RSBN1: variants seen among roughly 807,000 people sequenced by gnomAD.
RSBN1 encodes the protein round spermatid basic protein 1.
In RSBN1, 23 loss-of-function variants were observed where a neutral mutation model predicts 74.8. The ratio of observed to expected loss-of-function variants is 0.31; its 90% CI spans 0.22 to 0.44. RSBN1 has a LOEUF of 0.44. RSBN1 is among the 20% of genes least tolerant of loss of function. The pLI is 1.00. For missense variants in RSBN1, 808 were observed against 1,020.9 expected (o/e 0.79, Z 2.84); for synonymous variants, 407 against 379.6 (o/e 1.07, Z -0.84).
chr1:113,797,354 T>C lies in RSBN1; in HGVS notation c.1377+9A>G. ...ATTTACTAATTTTTAACAACAATTTTTATCTTACCTGAGTGTGAAAATTTG... is the reference window on the plus strand; with the variant it reads ...ATTTACTAATTTTTAACAACAATTTCTATCTTACCTGAGTGTGAAAATTTG... On this transcript the variant is annotated intron_variant, in intron 2 of 6. Transcript: ENST00000261441. 10 of 1,594,454 alleles carry C rather than the reference T, an allele frequency of 6.3e-6. No homozygotes were observed. Among genetic ancestry groups the C allele is most frequent in the Non-Finnish European group, 8.5e-6 (10 of 1,172,324 alleles).
chr1:113,792,089 A>C (rs1660378206), intron 2 of RSBN1, among the ~76,000 whole-genome samples: 1 of 152,312 alleles, frequency 6.6e-6, no homozygotes, highest in South Asian at 2.1e-4. Flanking sequence ...ATAAGAAATA[A>C]AACTACCTAA....
intron 2 of RSBN1, among the ~76,000 whole-genome samples, chr1:113,785,562 A>T (rs951048148): frequency 2.0e-5 from 3 of 152,184 alleles, no homozygotes; most frequent in Non-Finnish European, 2.9e-5. Context: ...GGTATAGCAA[A>T]CCAGACCTAT....
intron 1 of RSBN1, among the ~76,000 whole-genome samples, chr1:113,807,589 G>A (rs1660730460): frequency 6.6e-6 from 1 of 151,602 alleles, no homozygotes; most frequent in African/African-American, 2.4e-5. Flanking sequence ...GTGAAACCCC[G>A]TCTCTACTAA....
rs1036416763 is a variant in RSBN1, at chr1:113,788,559, T to TA, written c.1377+8803dup. ...TCCAGAGAGAAAAAAGCAGAACAGC[T>TA]AAAAAAAATCAGGAATCATTATGGC... On this transcript the variant is annotated intron_variant, in intron 2 of 6. Coordinates refer to ENST00000261441, the MANE Select transcript of RSBN1 (RefSeq NM_018364.5). 7.0e-4 allele frequency among the ~76,000 whole-genome samples: 106 copies of TA among 151,992 alleles called. 3 individuals carry two copies. Among genetic ancestry groups the TA allele is most frequent in the East Asian group, 3.9e-4 (2 of 5,172 alleles).
intron 1 of RSBN1, among the ~76,000 whole-genome samples, chr1:113,811,485 C>G (rs915864373): frequency 6.6e-6 from 1 of 152,180 alleles, no homozygotes; most frequent in Non-Finnish European, 1.5e-5. Flanking sequence ...TCCGGGGGAC[C>G]GGTAAAGGGA....
intron 2 of RSBN1, among the ~76,000 whole-genome samples, chr1:113,779,004 T>C (rs191437738): frequency 7.1e-4 from 108 of 152,280 alleles, no homozygotes; most frequent in African/African-American, 2.4e-3. Context: ...TTCTCAAGGA[T>C]AGAGAGATGG....
chr1:113,770,374 A>G (rs1659865248), intron 4 of RSBN1, among the ~76,000 whole-genome samples: 1 of 152,218 alleles, frequency 6.6e-6, no homozygotes, highest in Non-Finnish European at 1.5e-5. Context: ...CCTTGATAAC[A>G]GCACTGACAC....
chr1:113,790,022 A>G (rs904693182), intron 2 of RSBN1, among the ~76,000 whole-genome samples: 1 of 152,110 alleles, frequency 6.6e-6, no homozygotes, highest in Non-Finnish European at 1.5e-5. Flanking sequence ...TAAAAGATAA[A>G]ACGACATGAT....
intron 4 of RSBN1, among the ~76,000 whole-genome samples, chr1:113,776,520 G>A (rs2101797931): frequency 6.6e-6 from 1 of 152,216 alleles, no homozygotes; most frequent in South Asian, 2.1e-4. Flanking sequence ...GCTAAGTTTT[G>A]AAAATGTATT....
At chr1:113,805,392 A>C (rs970089878) in intron 1 of RSBN1, among the ~76,000 whole-genome samples, 1 of 152,190 alleles carries the variant, frequency 6.6e-6, no homozygotes, top group Non-Finnish European at 1.5e-5. Context: ...CTATGTTTTT[A>C]TGAGCAATAA....
At position 113,782,590 on chromosome 1, in the gene RSBN1, A is replaced by G. The variant is rs544846176; in HGVS notation, c.1378-4782T>C. Among the ~76,000 whole-genome samples, 765 of 152,344 alleles carry G rather than the reference A, an allele frequency of 5.0e-3. 4 individuals carry two copies. The highest frequency in any genetic ancestry group is 0.018 in the African/African-American group (739 of 41,582). On this transcript the variant is annotated intron_variant, in intron 2 of 6. Transcript: ENST00000261441. Reference sequence around the variant, plus strand: ...AAGAAAAACAAACTGGCTGTTATGAATAGTGCTGCAATAAACATGGAAATG... The same window carrying G: ...AAGAAAAACAAACTGGCTGTTATGAGTAGTGCTGCAATAAACATGGAAATG...
At chr1:113,792,079 A>G (rs1030213715) in intron 2 of RSBN1, among the ~76,000 whole-genome samples, 1 of 152,226 alleles carries the variant, frequency 6.6e-6, no homozygotes, top group African/African-American at 2.4e-5. Flanking sequence ...TAAAAGTAAT[A>G]TAAGAAATAA....
At chr1:113,794,519 A>G (rs1660432388) in intron 2 of RSBN1, among the ~76,000 whole-genome samples, 1 of 152,152 alleles carries the variant, frequency 6.6e-6, no homozygotes, top group Admixed American at 6.6e-5. Context: ...TACTCTTGCC[A>G]TGTCAATCTA....
intron 1 of RSBN1, among the ~76,000 whole-genome samples, chr1:113,810,798 T>C (rs1660821845): frequency 6.6e-6 from 1 of 152,132 alleles, no homozygotes; most frequent in Admixed American, 6.6e-5. Flanking sequence ...TATAAAATAA[T>C]ATATAAAGTA....
chr1:113,791,531 T>A (rs1261096761), intron 2 of RSBN1, among the ~76,000 whole-genome samples: 1 of 152,186 alleles, frequency 6.6e-6, no homozygotes, highest in Non-Finnish European at 1.5e-5. Context: ...GTGTGGATTA[T>A]TCCACAGAAC....
chr1:113,777,077 G>T, intron 4 of RSBN1, 133 bp downstream of exon 4: 1 of 733,686 alleles, frequency 1.4e-6, no homozygotes, highest in Non-Finnish European at 2.2e-6. Flanking sequence ...TGATTGGACT[G>T]AAAAGAGGAA....
At chr1:113,790,235 G>T (rs758625688) in intron 2 of RSBN1, among the ~76,000 whole-genome samples, 2 of 152,098 alleles carry the variant, frequency 1.3e-5, no homozygotes, top group Non-Finnish European at 2.9e-5. Context: ...AACCTAATGG[G>T]TATAGAGTTT....
At chr1:113,803,939 CAAAAAAA>C (rs55787910) in intron 1 of RSBN1, among the ~76,000 whole-genome samples, 869 of 63,478 alleles carry the variant, frequency 0.014, 26 homozygotes, top group Admixed American at 0.096. Context: ...CCCATTTTTA[CAAAAAAA>C]AAAAAAAAAA....
chr1:113,792,674 T>C (rs1270082417), intron 2 of RSBN1, among the ~76,000 whole-genome samples: 8 of 152,128 alleles, frequency 5.3e-5, no homozygotes. Flanking sequence ...GTTTATGTAC[T>C]GGGGTACAGT....
Sources: allele counts gnomAD v4.1 joint callset (sites outside exome capture counted in the v4.1 genomes callset), GRCh38; gene constraint gnomAD v4.1.1; transcripts MANE v1.5; gene names NCBI Gene and HGNC (gene_info 2026-07-23, HGNC 2026-07-21).